Variants in WDFY4 observed in about 807,000 individuals in gnomAD.
WDFY4 encodes WD repeat- and FYVE domain-containing protein 4.
A neutral mutation model predicts 351.9 loss-of-function variants in WDFY4; 169 were observed. The observed-to-expected ratio is 0.48, with a 90% CI of 0.42 to 0.55. The LOEUF is 0.55. Among genes scored for constraint, WDFY4 ranks in the 20% least tolerant of loss-of-function variants. WDFY4 has a pLI of 0.00. For synonymous variants in WDFY4, 1,622 were observed against 1,574.6 expected (o/e 1.03, Z -0.71); for missense variants, 3,803 against 3,935.6 (o/e 0.97, Z 0.90).
In WDFY4 at chr10:48,926,753, G is replaced by C. The variant is rs76149641; in HGVS notation, c.7587-15053G>C. Among the ~76,000 whole-genome samples the C allele has an allele frequency of 7.7e-3, 1,174 of 152,294 alleles. 10 individuals carry two copies. Among genetic ancestry groups the C allele is most frequent in the Non-Finnish European group, 9.5e-3 (645 of 68,036 alleles). On this transcript the variant is annotated intron_variant, in intron 47 of 61. Transcript: ENST00000325239. ...ATAGCATTAATGGAGTCATTTAACT[G>C]TAAGAGCTTGGTAATTGACAATGAA...
chr10:48,685,625 C>T (rs1234007914), intron 1 of WDFY4, among the ~76,000 whole-genome samples: 1 of 152,204 alleles, frequency 6.6e-6, no homozygotes, highest in Non-Finnish European at 1.5e-5. Flanking sequence ...GCAGGGCCAC[C>T]TGCTCAGTAA....
intron 47 of WDFY4, among the ~76,000 whole-genome samples, chr10:48,916,062 G>A (rs1415650906): frequency 6.6e-6 from 1 of 152,222 alleles, no homozygotes; most frequent in Non-Finnish European, 1.5e-5. Flanking sequence ...AGCAAGTAAA[G>A]CCTTGGGCAG....
chr10:48,748,779 A>G (rs1455348447), intron 12 of WDFY4, among the ~76,000 whole-genome samples: 5 of 152,188 alleles, frequency 3.3e-5, no homozygotes, highest in Admixed American at 3.3e-4. Flanking sequence ...GGGAGTCTGC[A>G]GAGTAAAGGG....
Position 48,744,326 on chromosome 10 carries a change from C to A in WDFY4, c.2459+778C>A, listed in dbSNP as rs554532443. ...AGACACTGCATTTTTATCCAGAGTG[C>A]CCCGTTTGCCAGACTTCAGTGTTGG... On this transcript the variant is annotated intron_variant, in intron 12 of 61. Coordinates refer to ENST00000325239, the MANE Select transcript of WDFY4 (RefSeq NM_001394531.1). 7.9e-5 allele frequency among the ~76,000 whole-genome samples: 12 copies of A among 152,286 alleles called. No individual in the cohort carries two copies. In the East Asian group the frequency reaches 2.3e-3, roughly 29 times the overall value.
chr10:48,914,937 C>A (rs1838374650), intron 47 of WDFY4, among the ~76,000 whole-genome samples: 1 of 152,196 alleles, frequency 6.6e-6, no homozygotes, highest in African/African-American at 2.4e-5. Context: ...ATTCTCTCAT[C>A]CTTCACACTG....
intron 47 of WDFY4, among the ~76,000 whole-genome samples, chr10:48,904,422 A>G (rs1411976212): frequency 1.3e-5 from 2 of 152,238 alleles, no homozygotes; most frequent in African/African-American, 4.8e-5. Context: ...AGTACAAGGT[A>G]AAAAGCTATT....
chr10:48,840,218 G>T (rs541061265), intron 39 of WDFY4, among the ~76,000 whole-genome samples: 1 of 152,122 alleles, frequency 6.6e-6, no homozygotes, highest in African/African-American at 2.4e-5. Flanking sequence ...GCAGGCAGCC[G>T]TGCTTCCTAC....
At chr10:48,799,555 G>T (rs370685731) in intron 24 of WDFY4, among the ~76,000 whole-genome samples, 1 of 152,088 alleles carries the variant, frequency 6.6e-6, no homozygotes, top group Non-Finnish European at 1.5e-5. Context: ...CGGGTGGATC[G>T]TGAGGTCAGG....
chr10:48,930,055 T>C (rs1839896683), intron 47 of WDFY4, among the ~76,000 whole-genome samples: 1 of 152,114 alleles, frequency 6.6e-6, no homozygotes, highest in African/African-American at 2.4e-5. Flanking sequence ...ACATGGCCTG[T>C]CTGGTTCACT....
chr10:48,969,777 C>T (rs1842257267), intron 56 of WDFY4, among the ~76,000 whole-genome samples: 1 of 152,066 alleles, frequency 6.6e-6, no homozygotes, highest in Admixed American at 6.5e-5. Flanking sequence ...AATTCCCTAT[C>T]CCCCAAGCTC....
At chr10:48,712,363 A>G (rs1263343302) in intron 2 of WDFY4, among the ~76,000 whole-genome samples, 2 of 152,218 alleles carry the variant, frequency 1.3e-5, no homozygotes, top group Admixed American at 6.5e-5. Flanking sequence ...CTTACTGCAC[A>G]TGGACTGAAG....
chr10:48,913,933 G>T, intron 47 of WDFY4: 1 of 1,614,126 alleles, frequency 6.2e-7, no homozygotes, highest in Non-Finnish European at 8.5e-7. Flanking sequence ...AGCCACCGGA[G>T]GTTCTGGAAC....
At chr10:48,736,964 C>T (rs1206923341) in intron 11 of WDFY4, among the ~76,000 whole-genome samples, 1 of 152,242 alleles carries the variant, frequency 6.6e-6, no homozygotes, top group East Asian at 1.9e-4. Flanking sequence ...TAACATTCAT[C>T]AATTTATCTT....
intron 1 of WDFY4, among the ~76,000 whole-genome samples, chr10:48,700,364 C>T (rs998194345): frequency 2.0e-5 from 3 of 152,208 alleles, no homozygotes; most frequent in African/African-American, 7.2e-5. Context: ...TGCCCAGTTT[C>T]TGCAAATTCT....
At chr10:48,969,034 C>G in intron 55 of WDFY4, 30 bp from the exon 56 acceptor site, 1 of 1,545,964 alleles carries the variant, frequency 6.5e-7, no homozygotes, top group Non-Finnish European at 8.7e-7. Flanking sequence ...TTCTTCCATG[C>G]ATAAGTTCGC....
At chr10:48,938,651 C>A (rs1462850079) in intron 47 of WDFY4, among the ~76,000 whole-genome samples, 2 of 152,190 alleles carry the variant, frequency 1.3e-5, no homozygotes, top group Non-Finnish European at 2.9e-5. Context: ...TGATGCTGTG[C>A]AGTGTGGGGT....
intron 35 of WDFY4, chr10:48,823,477 A>G (rs2067896576): frequency 8.4e-7 from 1 of 1,184,718 alleles, no homozygotes; most frequent in African/African-American, 1.6e-5. Flanking sequence ...AGAGTCACCC[A>G]CAGACCTCAG....
At chr10:48,941,453 G>A (rs1207818232) in intron 47 of WDFY4, among the ~76,000 whole-genome samples, 1 of 152,160 alleles carries the variant, frequency 6.6e-6, no homozygotes, top group Non-Finnish European at 1.5e-5. Context: ...AAGGGGTCGG[G>A]GCAGGGATAA....
chr10:48,806,075 C>G lies in WDFY4; in HGVS notation c.4718C>G (p.Ala1573Gly). Residue 1573 changes from alanine to glycine, a missense_variant, in exon 27 of 62, where the codon GCC becomes GGC. Transcript: ENST00000325239. ...VNERQICMDG[A>G]LDPSLPAGSQ... Reference sequence around the variant, plus strand: ...GAGAGGCAGATCTGCATGGACGGAGCCCTGGACCCTTCCCTGCCTGGTGAG... The same window carrying G: ...GAGAGGCAGATCTGCATGGACGGAGGCCTGGACCCTTCCCTGCCTGGTGAG... The G allele has an allele frequency of 6.4e-7, 1 of 1,551,668 alleles. No individual in the cohort carries two copies. Among genetic ancestry groups the G allele is most frequent in the Middle Eastern group, 1.7e-4 (1 of 5,992 alleles).
Sources: gnomAD v4.1 joint callset for allele counts (sites outside exome capture counted in the v4.1 genomes callset) on GRCh38, gnomAD v4.1.1 for gene constraint, MANE v1.5 for transcripts, NCBI Gene and HGNC (gene_info 2026-07-23, HGNC 2026-07-21) for gene names.